The following TANC1 variants were observed in gnomAD, a reference collection of about 807,000 sequenced individuals.
TANC1 encodes protein TANC1.
TANC1 carries 77 observed loss-of-function variants against 149.7 expected under a neutral mutation model. The ratio of observed to expected loss-of-function variants is 0.51; its 90% CI spans 0.43 to 0.62. TANC1 has a LOEUF of 0.62. Ranked by LOEUF, TANC1 falls within the 20% of genes least tolerant of loss-of-function variation. The probability of loss-of-function intolerance (pLI) is 0.00; values close to 1 mark genes in which losing one functional copy is unlikely to be tolerated. For synonymous variants in TANC1, 854 were observed against 925.0 expected (o/e 0.92, Z 1.39); for missense variants, 1,985 against 2,321.8 (o/e 0.85, Z 2.98).
intron 19 of TANC1, among the ~76,000 whole-genome samples, chr2:159,209,060 G>A (rs909823335): frequency 6.6e-6 from 1 of 152,208 alleles, no homozygotes; most frequent in Admixed American, 6.5e-5. Context: ...GTCGCTGACT[G>A]AAACATCATC....
At chr2:159,181,302 C>CTT (rs755312956) in intron 14 of TANC1, among the ~76,000 whole-genome samples, 4 of 140,476 alleles carry the variant, frequency 2.8e-5, no homozygotes, top group South Asian at 2.3e-4. Flanking sequence ...GATTTTTTTG[C>CTT]TTTTTTTTTT....
intron 16 of TANC1, among the ~76,000 whole-genome samples, chr2:159,191,996 C>A (rs182541211): frequency 6.6e-6 from 1 of 151,860 alleles, no homozygotes; most frequent in Non-Finnish European, 1.5e-5. Context: ...AAAGGAGCAT[C>A]ATTTGTATCT....
rs550996887 is a variant in TANC1 at position 159,008,298 on chromosome 2, A to C, written c.-16+7109A>C. Among the ~76,000 whole-genome samples the C allele has an allele frequency of 1.3e-4, 20 of 152,320 alleles. No homozygotes were observed. In the South Asian group the frequency reaches 2.9e-3, roughly 22 times the overall value. On this transcript the variant is annotated intron_variant, in intron 2 of 26. Coordinates refer to ENST00000263635, the MANE Select transcript of TANC1 (RefSeq NM_033394.3). ...AAATTGATGAGTCCTGTAGCCATAA[A>C]ATCAAGTATCACAGCTGTGCCCTAT... is the stretch of plus-strand genomic sequence containing the variant.
At chr2:159,051,667 G>A (rs2041484979) in intron 2 of TANC1, among the ~76,000 whole-genome samples, 1 of 151,508 alleles carries the variant, frequency 6.6e-6, no homozygotes, top group South Asian at 2.1e-4. Context: ...GTGTGTGTGT[G>A]TGTGTGTGTG....
At chr2:159,086,776 C>T (rs1204849607) in intron 3 of TANC1, among the ~76,000 whole-genome samples, 1 of 152,172 alleles carries the variant, frequency 6.6e-6, no homozygotes, top group Non-Finnish European at 1.5e-5. Context: ...AAAATAACCA[C>T]CATCATCTTA....
At chr2:158,982,781 T>A (rs1305838194) in intron 1 of TANC1, among the ~76,000 whole-genome samples, 2 of 152,082 alleles carry the variant, frequency 1.3e-5, no homozygotes, top group Admixed American at 6.5e-5. Flanking sequence ...CTAATTTTTT[T>A]ATTTTTTTAT....
At chr2:159,219,650 A>G (rs777308882) in intron 21 of TANC1, 42 bp from the exon 22 acceptor site, 10 of 1,611,890 alleles carry the variant, frequency 6.2e-6, no homozygotes, top group African/African-American at 5.3e-5. Context: ...TGGCTTTGTC[A>G]TCTCATAATG....
At chr2:159,185,458 G>T (rs1337949611) in intron 14 of TANC1, among the ~76,000 whole-genome samples, 1 of 152,150 alleles carries the variant, frequency 6.6e-6, no homozygotes, top group Admixed American at 6.5e-5. Context: ...CACCTAGCAC[G>T]GCCTGGCTTT....
chr2:158,991,315 C>T (rs1260518633), intron 1 of TANC1, among the ~76,000 whole-genome samples: 1 of 151,896 alleles, frequency 6.6e-6, no homozygotes, highest in African/African-American at 2.4e-5. Flanking sequence ...AGTGCACGGT[C>T]TGATTAAGTA....
chr2:159,071,871 A>G (rs918896341), intron 3 of TANC1, among the ~76,000 whole-genome samples: 3 of 152,232 alleles, frequency 2.0e-5, no homozygotes, highest in Non-Finnish European at 4.4e-5. Flanking sequence ...ACAAGCAGAA[A>G]TAATTCAGTA....
intron 3 of TANC1, among the ~76,000 whole-genome samples, chr2:159,093,219 G>C (rs1326331129): frequency 6.6e-6 from 1 of 152,252 alleles, no homozygotes; most frequent in Non-Finnish European, 1.5e-5. Context: ...TGATTGAAAT[G>C]TGCTTCCCAT....
At chr2:158,974,315 C>G (rs1354575978) in intron 1 of TANC1, among the ~76,000 whole-genome samples, 1 of 152,230 alleles carries the variant, frequency 6.6e-6, no homozygotes, top group Non-Finnish European at 1.5e-5. Flanking sequence ...TCCTTGATAC[C>G]TATGGAAGAT....
Position 159,229,657 on chromosome 2 carries a change from GCCCGCGT to G in TANC1, c.4232_4238del (p.Ala1411GlufsTer38). The G allele has an allele frequency of 6.2e-7, 1 of 1,613,998 alleles. No homozygotes were observed. Among genetic ancestry groups the G allele is most frequent in the Non-Finnish European group, 8.5e-7 (1 of 1,180,016 alleles). ...CAATCAGGAAGTCAAGAGGCTTCTG[GCCCGCGT>G]AGAAGAGGAGTGCAAACAACTCCAG... On this transcript the variant is annotated frameshift_variant, in exon 27 of 27. Transcript: ENST00000263635. LOFTEE classifies it low-confidence loss of function (END_TRUNC).
At chr2:159,117,103 C>T (rs906029030) in intron 4 of TANC1, among the ~76,000 whole-genome samples, 2 of 152,172 alleles carry the variant, frequency 1.3e-5, no homozygotes, top group African/African-American at 4.8e-5. Flanking sequence ...CTGCTTTACC[C>T]TCCTCTATGC....
chr2:159,127,632 C>G (rs1211258910), intron 4 of TANC1, among the ~76,000 whole-genome samples: 1 of 152,150 alleles, frequency 6.6e-6, no homozygotes, highest in African/African-American at 2.4e-5. Context: ...CAAAAAGGAA[C>G]AAGATCATGT....
intron 4 of TANC1, among the ~76,000 whole-genome samples, chr2:159,126,081 G>C (rs769983783): frequency 1.3e-5 from 2 of 152,140 alleles, no homozygotes; most frequent in Non-Finnish European, 1.5e-5. Flanking sequence ...ATTATAGCAA[G>C]CTTACCCAGA....
chr2:158,985,120 A>C (rs758259783), intron 1 of TANC1, among the ~76,000 whole-genome samples: 186 of 152,238 alleles, frequency 1.2e-3, no homozygotes, highest in Admixed American at 7.9e-4. Flanking sequence ...GTCAGGTGAG[A>C]GATGATGTTT....
intron 7 of TANC1, 22 bp from the exon 8 acceptor site, chr2:159,163,261 G>A: frequency 1.2e-6 from 2 of 1,607,660 alleles, no homozygotes; most frequent in Non-Finnish European, 1.7e-6. Flanking sequence ...CTCCTTCAAA[G>A]TATTTTGGTC....
At chr2:159,125,229 G>A (rs2049306832) in intron 4 of TANC1, among the ~76,000 whole-genome samples, 1 of 152,188 alleles carries the variant, frequency 6.6e-6, no homozygotes, top group Non-Finnish European at 1.5e-5. Flanking sequence ...TATACGCCTG[G>A]TGAGGCTCCA....
Sources: gnomAD v4.1 joint callset for allele counts (sites outside exome capture counted in the v4.1 genomes callset) on GRCh38, gnomAD v4.1.1 for gene constraint, MANE v1.5 for transcripts, NCBI Gene and HGNC (gene_info 2026-07-23, HGNC 2026-07-21) for gene names.